The following CDC42BPA variants were observed in gnomAD, a reference collection of about 807,000 sequenced individuals.
CDC42BPA encodes the protein serine/threonine-protein kinase MRCK alpha.
In CDC42BPA, 80 loss-of-function variants were observed where a neutral mutation model predicts 223.5. The observed-to-expected ratio is 0.36, with a 90% CI of 0.30 to 0.43. CDC42BPA has a LOEUF of 0.43. CDC42BPA is among the 20% of genes least tolerant of loss of function. The pLI is 1.00. For missense variants in CDC42BPA, 1,743 were observed against 2,099.9 expected (o/e 0.83, Z 3.32); for synonymous variants, 694 against 718.6 (o/e 0.97, Z 0.55).
intron 32 of CDC42BPA, among the ~76,000 whole-genome samples, chr1:227,018,759 T>C (rs1400909970): frequency 6.6e-6 from 1 of 152,216 alleles, no homozygotes; most frequent in Non-Finnish European, 1.5e-5. Flanking sequence ...TTTTTTGGTC[T>C]TCCAGTGCAT....
intron 12 of CDC42BPA, among the ~76,000 whole-genome samples, chr1:227,116,732 C>T (rs1030839057): frequency 3.3e-5 from 5 of 152,114 alleles, no homozygotes; most frequent in South Asian, 4.2e-4. Context: ...CAAATTTTAC[C>T]GAAACCTGGG....
rs1237976741 is a variant in CDC42BPA, at chr1:227,317,083, T to C, written c.100A>G (p.Ile34Val). 31 of 1,613,936 alleles carry C rather than the reference T, an allele frequency of 1.9e-5. No individual in the cohort carries two copies. Among genetic ancestry groups the C allele is most frequent in the Non-Finnish European group, 2.4e-5 (28 of 1,179,810 alleles). Residue 34 changes from isoleucine (I) to valine (V), a missense_variant, in exon 1 of 37, where the codon ATA becomes GTA. Coordinates refer to ENST00000366766, the MANE Select transcript of CDC42BPA (RefSeq NM_001394014.1). The stretch of plus-strand genomic sequence containing the variant: ...CATTCATCATAAAGGCAGATGAGTA[T>C]ATCCAGTAATGTCTCCACACTGAAG... ...QCFSVETLLD[I>V]LICLYDECNN...
chr1:227,153,590 G>A (rs1044569572), intron 6 of CDC42BPA, among the ~76,000 whole-genome samples: 3 of 151,898 alleles, frequency 2.0e-5, no homozygotes, highest in Non-Finnish European at 4.4e-5. Context: ...TTAAAACTAG[G>A]AAGAAGGTGG....
At chr1:227,028,423 T>C (rs965095068) in intron 30 of CDC42BPA, among the ~76,000 whole-genome samples, 1 of 152,234 alleles carries the variant, frequency 6.6e-6, no homozygotes, top group Non-Finnish European at 1.5e-5. Flanking sequence ...TAGTGAAATA[T>C]TCCACAGAAA....
At chr1:227,199,453 T>C (rs1022663960) in intron 4 of CDC42BPA, 104 bp downstream of exon 4, 3 of 702,364 alleles carry the variant, frequency 4.3e-6, no homozygotes, top group East Asian at 3.0e-5. Flanking sequence ...TGAAATGCAC[T>C]TAATTTTCTA....
intron 35 of CDC42BPA, among the ~76,000 whole-genome samples, chr1:227,002,228 A>T (rs972314414): frequency 6.6e-6 from 1 of 152,358 alleles, no homozygotes; most frequent in African/African-American, 2.4e-5. Context: ...CTTAATTCCT[A>T]AAGTTGTAAA....
chr1:227,142,878 A>G (rs145647839), intron 9 of CDC42BPA, 67 bp downstream of exon 9: 66 of 1,094,248 alleles, frequency 6.0e-5, no homozygotes, highest in Non-Finnish European at 7.8e-5. Flanking sequence ...TTGGCCTCCC[A>G]AAGTGTTGGG....
chr1:227,015,557 T>C (rs1430256858), intron 34 of CDC42BPA, among the ~76,000 whole-genome samples: 1 of 152,204 alleles, frequency 6.6e-6, no homozygotes, highest in Admixed American at 6.5e-5. Flanking sequence ...ACCTGGCCTA[T>C]GTTATACTTT....
chr1:227,127,940 A>G (rs1558559448), intron 11 of CDC42BPA, among the ~76,000 whole-genome samples: 1 of 152,182 alleles, frequency 6.6e-6, no homozygotes, highest in Non-Finnish European at 1.5e-5. Flanking sequence ...TCGTTAAAAT[A>G]GTACCTTCTG....
At position 226,994,435 on chromosome 1, in the gene CDC42BPA, G is replaced by C; in HGVS notation, c.5134-36C>G. On this transcript the variant is annotated intron_variant, in intron 36 of 36. Coordinates refer to ENST00000366766, the MANE Select transcript of CDC42BPA (RefSeq NM_001394014.1). The surrounding 1 kb of genome is among the most constrained non-coding windows in gnomAD (Gnocchi z 4.0). ...CAAAGTAAAACATTAATGAGAAGGAGGGGGAGAAAGGGAGGCAGAAGGGGC... is the reference window on the plus strand; with the variant it reads ...CAAAGTAAAACATTAATGAGAAGGACGGGGAGAAAGGGAGGCAGAAGGGGC... 1.4e-6 allele frequency: 2 copies of C among 1,464,364 alleles called. No homozygotes were observed. Among genetic ancestry groups the C allele is most frequent in the Non-Finnish European group, 1.8e-6 (2 of 1,102,924 alleles). 90.7% of individuals were successfully genotyped at this position (1,464,364 alleles called of 1,614,324 possible).
chr1:227,230,764 T>G (rs1677708245), intron 2 of CDC42BPA, among the ~76,000 whole-genome samples: 1 of 151,810 alleles, frequency 6.6e-6, no homozygotes, highest in Non-Finnish European at 1.5e-5. Context: ...TACTTAAAGA[T>G]TTATCTCTTC....
At position 227,070,836 on chromosome 1, in the gene CDC42BPA, GATA is replaced by G. The variant is rs145654846; in HGVS notation, c.2828-986_2828-984del. On this transcript the variant is annotated intron_variant, in intron 20 of 36. Coordinates refer to ENST00000366766, the MANE Select transcript of CDC42BPA (RefSeq NM_001394014.1). The stretch of plus-strand genomic sequence containing the variant: ...AAGCTGTGGTAAACATGCCTTCAGT[GATA>G]AACTTAAGTCTCTTTCAAGTTTAGG... 9.2e-3 allele frequency among the ~76,000 whole-genome samples: 1,400 copies of G among 151,888 alleles called. 24 individuals are homozygous for G. Among genetic ancestry groups the G allele is most frequent in the African/African-American group, 0.032 (1,337 of 41,502 alleles).
chr1:227,293,811 T>G (rs1354903199), intron 1 of CDC42BPA, among the ~76,000 whole-genome samples: 2 of 151,006 alleles, frequency 1.3e-5, no homozygotes, highest in Non-Finnish European at 3.0e-5. Context: ...AACTCCGCCT[T>G]AGAAAAACAA....
intron 15 of CDC42BPA, among the ~76,000 whole-genome samples, chr1:227,092,534 TTTTC>T (rs1266621149): frequency 6.6e-6 from 1 of 152,180 alleles, no homozygotes; most frequent in Admixed American, 6.5e-5. Context: ...AATTAGATAC[TTTTC>T]TTTGTGTATT....
At chr1:227,033,189 C>T in intron 27 of CDC42BPA, 145 bp downstream of exon 27, 1 of 515,328 alleles carries the variant, frequency 1.9e-6, no homozygotes, top group Non-Finnish European at 3.5e-6. Flanking sequence ...ATTTTCTATA[C>T]CTTCAAGTAC....
Position 227,119,798 on chromosome 1 carries a change from T to A in CDC42BPA, c.1647+6A>T. On this transcript the variant is annotated splice_donor_region_variant and intron_variant, in intron 12 of 36. Transcript: ENST00000366766. ...AAAGCTTTAATGATCTAGTCACATA[T>A]TTTACCTTATTTAGATCTTCTCTTT... The A allele has an allele frequency of 1.3e-6, 2 of 1,544,728 alleles. No homozygotes were observed. The highest frequency in any genetic ancestry group is 1.8e-6 in the Non-Finnish European group (2 of 1,137,202).
intron 33 of CDC42BPA, among the ~76,000 whole-genome samples, chr1:227,016,513 T>C (rs1386286928): frequency 6.6e-6 from 1 of 152,194 alleles, no homozygotes; most frequent in Non-Finnish European, 1.5e-5. Flanking sequence ...GGTAACACTT[T>C]AGAAACGGTC....
intron 12 of CDC42BPA, 36 bp from the exon 13 acceptor site, chr1:227,112,949 C>T (rs745412906): frequency 6.2e-7 from 1 of 1,601,626 alleles, no homozygotes; most frequent in South Asian, 1.1e-5. Flanking sequence ...GTTACCAATT[C>T]TGCAACCTAG....
In CDC42BPA at chr1:227,093,400, A is replaced by C. The variant is rs1007851031; in HGVS notation, c.2250-1409T>G. Among the ~76,000 whole-genome samples the C allele has an allele frequency of 1.3e-5, 2 of 152,310 alleles. 1 individual carries two copies. The highest frequency in any genetic ancestry group is 6.8e-3 in the Middle Eastern group (2 of 294). ...CAAGACATGAGATGTGAGAAAGAAA[A>C]GAAACTTTTTATGAGAAATGCGAGC... On this transcript the variant is annotated intron_variant, in intron 15 of 36. Transcript: ENST00000366766.
Sources: gnomAD v4.1 joint callset for allele counts (sites outside exome capture counted in the v4.1 genomes callset) on GRCh38, gnomAD v4.1.1 for gene constraint, Gnocchi (gnomAD v3.1) non-coding constraint, MANE v1.5 for transcripts, NCBI Gene and HGNC (gene_info 2026-07-23, HGNC 2026-07-21) for gene names.